The following SFXN1 variants were observed in gnomAD, a reference collection of about 807,000 sequenced individuals.
The protein encoded by SFXN1 is sideroflexin 1, also known as sideroflexin-1.
A neutral mutation model predicts 39.5 loss-of-function variants in SFXN1; 32 were observed. The observed-to-expected ratio is 0.81, with a 90% CI of 0.61 to 1.09. The LOEUF is 1.09. SFXN1 is among the 50% of genes least tolerant of loss of function. The probability of loss-of-function intolerance (pLI) is 0.00; values close to 1 mark genes in which losing one functional copy is unlikely to be tolerated. For synonymous variants in SFXN1, 136 were observed against 146.5 expected (o/e 0.93, Z 0.52); for missense variants, 402 against 407.1 (o/e 0.99, Z 0.11).
chr5:175,492,569 A>C (rs1011602409), intron 2 of SFXN1: 4 of 231,018 alleles, frequency 1.7e-5, no homozygotes, highest in Non-Finnish European at 3.3e-5. Flanking sequence ...CACCACCTCC[A>C]CTACGACATC....
At chr5:175,504,222 A>C (rs140923903) in intron 2 of SFXN1, among the ~76,000 whole-genome samples, 1 of 152,118 alleles carries the variant, frequency 6.6e-6, no homozygotes, top group East Asian at 1.9e-4. Flanking sequence ...CTGCTTAATC[A>C]TTTTTCCCAA....
intron 8 of SFXN1, among the ~76,000 whole-genome samples, chr5:175,521,269 G>A (rs2113359586): frequency 7.0e-6 from 1 of 143,192 alleles, no homozygotes; most frequent in East Asian, 2.0e-4. Context: ...AAAAAAAAGT[G>A]TGACTAGCAA....
chr5:175,505,558 TAATAATAATA>T (rs1760260202), intron 2 of SFXN1, among the ~76,000 whole-genome samples: 1 of 148,748 alleles, frequency 6.7e-6, no homozygotes, highest in African/African-American at 2.4e-5. Flanking sequence ...ATAATAATAA[TAATAATAATA>T]ATAATTCTAA....
chr5:175,505,782 A>G (rs937947463), intron 2 of SFXN1, among the ~76,000 whole-genome samples: 2 of 152,150 alleles, frequency 1.3e-5, no homozygotes, highest in African/African-American at 4.8e-5. Flanking sequence ...CAACTGATGC[A>G]GGCCAGCCAA....
At chr5:175,503,140 A>G (rs1162086281) in intron 2 of SFXN1, among the ~76,000 whole-genome samples, 4 of 152,174 alleles carry the variant, frequency 2.6e-5, no homozygotes, top group Non-Finnish European at 5.9e-5. Context: ...CTGTACCACA[A>G]TTCCGGGGCG....
chr5:175,486,139 A>G (rs957945500), intron 1 of SFXN1, among the ~76,000 whole-genome samples: 4 of 152,188 alleles, frequency 2.6e-5, no homozygotes, highest in African/African-American at 4.8e-5. Flanking sequence ...TTATTGTAGT[A>G]TAGAACTTCA....
chr5:175,518,545 T>C (rs1418702338), intron 8 of SFXN1, among the ~76,000 whole-genome samples: 2 of 152,230 alleles, frequency 1.3e-5, no homozygotes, highest in East Asian at 1.9e-4. Context: ...GTTTAAAGTT[T>C]GGGGCACAGA....
At chr5:175,511,989 G>T in intron 5 of SFXN1, 122 bp from the exon 6 acceptor site, 3 of 859,448 alleles carry the variant, frequency 3.5e-6, no homozygotes, top group South Asian at 3.4e-5. Context: ...AAGCATTCTT[G>T]GCCTGAGTTT....
intron 7 of SFXN1, 30 bp downstream of exon 7, chr5:175,513,620 A>C: frequency 1.9e-6 from 3 of 1,611,388 alleles, no homozygotes; most frequent in Non-Finnish European, 2.5e-6. Context: ...TTATTCCATA[A>C]ATACAGGTTG....
In SFXN1 at chr5:175,527,180, C is replaced by A. The variant is rs17052113; in HGVS notation, c.*446C>A. On this transcript the variant is annotated 3_prime_UTR_variant, in exon 11 of 11. Coordinates refer to ENST00000321442, the MANE Select transcript of SFXN1 (RefSeq NM_022754.7). Reference sequence around the variant, plus strand: ...ATCTCAGCAGTGAACTGGGAAAATACAAAAGCTCTGGGCTAATCTATAAAA... The same window carrying A: ...ATCTCAGCAGTGAACTGGGAAAATAAAAAAGCTCTGGGCTAATCTATAAAA... 76 of 155,342 alleles carry A rather than the reference C, an allele frequency of 4.9e-4. No individual in the cohort carries two copies. In the East Asian group the frequency reaches 0.013, roughly 27 times the overall value. 9.6% of individuals were successfully genotyped at this position (155,342 alleles called of 1,614,324 possible).
chr5:175,526,178 G>A lies in SFXN1; in HGVS notation c.873-460G>A, dbSNP rs749867858. Among the ~76,000 whole-genome samples, 4 of 143,082 alleles carry A rather than the reference G, an allele frequency of 2.8e-5. No individual in the cohort carries two copies. The South Asian group carries it at 6.5e-4, about 23-fold the overall frequency. The allele number at this position is 143,082 out of a possible 152,430, so 93.9% of individuals were successfully genotyped here. A position where few individuals can be genotyped will look rare whatever the true frequency, so the allele number is the denominator to read the frequency against. On this transcript the variant is annotated intron_variant, in intron 10 of 10. Coordinates refer to ENST00000321442, the MANE Select transcript of SFXN1 (RefSeq NM_022754.7). ...ATTTTTTGAAATTTTTTTAATAAGC[G>A]TGTATTACATACAGTAAACAAAAGC... is the stretch of plus-strand genomic sequence containing the variant.
chr5:175,488,474 G>GT (rs1327133171), intron 1 of SFXN1, among the ~76,000 whole-genome samples: 1 of 151,946 alleles, frequency 6.6e-6, no homozygotes, highest in Non-Finnish European at 1.5e-5. Flanking sequence ...GACTAATTTT[G>GT]TATTTTTAGT....
intron 2 of SFXN1, among the ~76,000 whole-genome samples, chr5:175,495,799 A>G (rs906259536): frequency 1.3e-5 from 2 of 152,182 alleles, no homozygotes; most frequent in Non-Finnish European, 2.9e-5. Context: ...AAAGAAACAT[A>G]TAAGAAAGTC....
chr5:175,488,229 A>G (rs1759520519), intron 1 of SFXN1, among the ~76,000 whole-genome samples: 1 of 150,934 alleles, frequency 6.6e-6, no homozygotes, highest in African/African-American at 2.4e-5. Context: ...TTACCTCCTC[A>G]TCTCCCATCT....
intron 1 of SFXN1, among the ~76,000 whole-genome samples, chr5:175,478,914 G>T (rs1270385415): frequency 6.6e-6 from 1 of 152,148 alleles, no homozygotes; most frequent in African/African-American, 2.4e-5. Flanking sequence ...GTCCCCGGTG[G>T]GAAGGGCCCT....
In SFXN1 at chr5:175,492,215, C is replaced by G; in HGVS notation, c.112C>G (p.Leu38Val). Residue 38 changes from leucine (L) to valine (V), a missense_variant, in exon 2 of 11, where the codon CTG becomes GTG. Physicochemically the swap from Leu to Val is conservative, Grantham distance 32. Coordinates refer to ENST00000321442, the MANE Select transcript of SFXN1 (RefSeq NM_022754.7). Reference sequence around the variant, plus strand: ...CACTGTAACTGACCCCAGGAACATTCTGTTAACCAACGAACAACTCGAGAG... The same window carrying G: ...CACTGTAACTGACCCCAGGAACATTGTGTTAACCAACGAACAACTCGAGAG... ...FFTVTDPRNI[L>V]LTNEQLESAR... 1 of 1,613,956 alleles carries G rather than the reference C, an allele frequency of 6.2e-7. No individual in the cohort carries two copies. Among genetic ancestry groups the G allele is most frequent in the Non-Finnish European group, 8.5e-7 (1 of 1,179,974 alleles).
chr5:175,524,126 ATATATATATATATATATAT>A lies in SFXN1; in HGVS notation c.872+1705_872+1723del, dbSNP rs1235640502. On this transcript the variant is annotated intron_variant, in intron 10 of 10. Transcript: ENST00000321442. ...CTCAAAAAAAAAAAAAAAAAAAAAA[ATATATATATATATATATAT>A]ATATATATATATATATATATATATA... The A allele has an allele frequency of 1.9e-3, 38 of 20,276 alleles. 2 individuals are homozygous for A. The highest frequency in any genetic ancestry group is 0.033 in the Middle Eastern group (1 of 30). The allele number at this position is 20,276 out of a possible 1,614,324, so 1.3% of individuals were successfully genotyped here.
intron 1 of SFXN1, among the ~76,000 whole-genome samples, chr5:175,488,753 G>T (rs1401746684): frequency 6.6e-6 from 1 of 152,140 alleles, no homozygotes. Flanking sequence ...TGACTACACT[G>T]GACATGGTGG....
At chr5:175,513,237 G>A (rs1760585519) in intron 6 of SFXN1, among the ~76,000 whole-genome samples, 2 of 145,798 alleles carry the variant, frequency 1.4e-5, no homozygotes, top group South Asian at 4.3e-4. Flanking sequence ...GGAGGCAGAG[G>A]TTGCAGTCAG....
Sources: allele counts gnomAD v4.1 joint callset (sites outside exome capture counted in the v4.1 genomes callset), GRCh38; gene constraint gnomAD v4.1.1; transcripts MANE v1.5; gene names NCBI Gene and HGNC (gene_info 2026-07-23, HGNC 2026-07-21).